CENPQ: variants seen among roughly 807,000 people sequenced by gnomAD.
CENPQ encodes the protein chromosome 6 open reading frame 139.
In CENPQ, 27 loss-of-function variants were observed where a neutral mutation model predicts 36.6. The ratio of observed to expected loss-of-function variants is 0.74; its 90% CI spans 0.54 to 1.02. The LOEUF is 1.02. CENPQ is among the 50% of genes least tolerant of loss of function. CENPQ has a pLI of 0.00. For missense variants in CENPQ, 306 were observed against 301.8 expected, an observed-to-expected ratio of 1.01 and a Z score of -0.10; for synonymous variants, 101 against 101.7, an observed-to-expected ratio of 0.99 and a Z score of 0.04.
At chr6:49,488,811 G>A in intron 8 of CENPQ, 127 bp downstream of exon 8, 9 of 721,584 alleles carry the variant, frequency 1.2e-5, no homozygotes, top group South Asian at 1.1e-4. Flanking sequence ...GTTTCCCACG[G>A]CATATGGAAG....
intron 6 of CENPQ, among the ~76,000 whole-genome samples, chr6:49,482,818 T>A (rs561693663): frequency 6.6e-6 from 1 of 152,210 alleles, no homozygotes; most frequent in Non-Finnish European, 1.5e-5. Flanking sequence ...GTTACAGTTC[T>A]TAAAGGCAGC....
intron 5 of CENPQ, among the ~76,000 whole-genome samples, chr6:49,473,863 G>A (rs1277089588): frequency 6.6e-6 from 1 of 152,120 alleles, no homozygotes; most frequent in African/African-American, 2.4e-5. Context: ...GGCAGGGGTT[G>A]CAATCCTAGT....
chr6:49,471,222 G>A lies in CENPQ; in HGVS notation c.157+194G>A, dbSNP rs757477838. Among the ~76,000 whole-genome samples, 8 of 152,134 alleles carry A rather than the reference G, an allele frequency of 5.3e-5. No individual in the cohort carries two copies. The South Asian group carries it at 6.2e-4, about 12-fold the overall frequency. Reference sequence around the variant, plus strand: ...TGAAATTTTACTTAGCACCTCTGACGAAATACTGTAGAGGCTTCAATGCCA... The same window carrying A: ...TGAAATTTTACTTAGCACCTCTGACAAAATACTGTAGAGGCTTCAATGCCA... On this transcript the variant is annotated intron_variant, in intron 3 of 8. Coordinates refer to ENST00000335783, the MANE Select transcript of CENPQ (RefSeq NM_018132.4).
chr6:49,474,612 A>G (rs1318919080), intron 5 of CENPQ, among the ~76,000 whole-genome samples: 2 of 152,208 alleles, frequency 1.3e-5, no homozygotes, highest in African/African-American at 4.8e-5. Context: ...TAGAGAAGCA[A>G]GAGCAAACAC....
chr6:49,483,657 G>A (rs1175847190), intron 6 of CENPQ, among the ~76,000 whole-genome samples: 1 of 152,230 alleles, frequency 6.6e-6, no homozygotes, highest in Non-Finnish European at 1.5e-5. Flanking sequence ...CCGCTGGCTT[G>A]GGTGCTAAGC....
At chr6:49,471,086 C>A in intron 3 of CENPQ, 58 bp downstream of exon 3, 1 of 1,040,136 alleles carries the variant, frequency 9.6e-7, no homozygotes, top group South Asian at 2.3e-5. Context: ...TATCTACATT[C>A]GTGAAAAAAT....
At chr6:49,484,893 G>A (rs150065224) in intron 6 of CENPQ, among the ~76,000 whole-genome samples, 117 of 152,280 alleles carry the variant, frequency 7.7e-4, no homozygotes, top group African/African-American at 2.7e-3. Context: ...AGGTTTGAAA[G>A]TATAATCATG....
intron 5 of CENPQ, among the ~76,000 whole-genome samples, chr6:49,473,259 C>T (rs1377947556): frequency 6.6e-6 from 1 of 152,122 alleles, no homozygotes; most frequent in African/African-American, 2.4e-5. Flanking sequence ...TTTGCATGAG[C>T]AACAAGTATA....
intron 5 of CENPQ, among the ~76,000 whole-genome samples, chr6:49,473,682 A>G (rs531333194): frequency 2.0e-5 from 3 of 152,270 alleles, no homozygotes; most frequent in African/African-American, 7.2e-5. Context: ...ATTAACCTTA[A>G]ATGTAAATGG....
At chr6:49,478,604 C>T (rs953834697) in intron 5 of CENPQ, among the ~76,000 whole-genome samples, 9 of 152,076 alleles carry the variant, frequency 5.9e-5, no homozygotes, top group East Asian at 1.9e-4. Context: ...AGGAAAAAGA[C>T]GATTCTTACC....
At chr6:49,467,537 G>A (rs1768031853) in intron 1 of CENPQ, among the ~76,000 whole-genome samples, 1 of 152,104 alleles carries the variant, frequency 6.6e-6, no homozygotes, top group East Asian at 1.9e-4. Context: ...AAATGATATG[G>A]CAAAGACAAG....
intron 4 of CENPQ, 101 bp downstream of exon 4, chr6:49,472,284 A>C (rs1171397330): frequency 1.1e-6 from 1 of 930,036 alleles, no homozygotes; most frequent in Non-Finnish European, 1.5e-6. Flanking sequence ...AAGGTAATAG[A>C]GTATATTTCT....
intron 5 of CENPQ, among the ~76,000 whole-genome samples, chr6:49,478,903 G>C (rs996803363): frequency 6.6e-6 from 1 of 152,076 alleles, no homozygotes; most frequent in African/African-American, 2.4e-5. Flanking sequence ...TTCAAGCCAT[G>C]GTTTTAGTTT....
intron 5 of CENPQ, among the ~76,000 whole-genome samples, chr6:49,477,959 C>T (rs943261797): frequency 6.6e-6 from 1 of 152,140 alleles, no homozygotes; most frequent in African/African-American, 2.4e-5. Context: ...ATAATAGTTG[C>T]TGTTCATAGT....
chr6:49,477,176 T>C (rs1011440153), intron 5 of CENPQ, among the ~76,000 whole-genome samples: 6 of 152,068 alleles, frequency 3.9e-5, no homozygotes, highest in African/African-American at 1.4e-4. Context: ...AACCCAAATG[T>C]CCATCAATGA....
chr6:49,492,040 G>C (rs1382991577), intron 8 of CENPQ, 104 bp from the exon 9 acceptor site: 1 of 836,532 alleles, frequency 1.2e-6, no homozygotes. Flanking sequence ...ATTGAAGTTG[G>C]ATGATAGATA....
In CENPQ at chr6:49,492,158, G is replaced by A. The variant is rs141091085; in HGVS notation, c.690G>A (p.Ala230=). ...CTTTCCCACAGAAAGAAATTTTGGC[G>A]CTAATTCCAAACCAGAATGCTCTTC... ...KAPTLQKEIL[A]LIPNQNALLK... is the part of the protein sequence containing the mutation. Residue 230 remains alanine, a synonymous_variant, in exon 9 of 9, where the codon GCG becomes GCA. Transcript: ENST00000335783. The A allele has an allele frequency of 4.8e-5, 77 of 1,596,752 alleles. No individual in the cohort carries two copies. The Middle Eastern group carries it at 1.7e-3, about 35-fold the overall frequency.
chr6:49,463,647 G>C (rs181066309), intron 1 of CENPQ, among the ~76,000 whole-genome samples, 194 bp downstream of exon 1: 4 of 151,942 alleles, frequency 2.6e-5, no homozygotes, highest in Non-Finnish European at 4.4e-5. Context: ...TAGGGGGGAG[G>C]GAGCAAAGCC....
chr6:49,488,833 C>A, intron 8 of CENPQ, 149 bp downstream of exon 8: 1 of 646,118 alleles, frequency 1.5e-6, no homozygotes, highest in Non-Finnish European at 2.7e-6. Context: ...TATGTTTACG[C>A]TATACTGTAG....
Sources: allele counts gnomAD v4.1 joint callset (sites outside exome capture counted in the v4.1 genomes callset), GRCh38; gene constraint gnomAD v4.1.1; transcripts MANE v1.5; gene names NCBI Gene and HGNC (gene_info 2026-07-23, HGNC 2026-07-21).